DNMT1: variants seen among roughly 807,000 people sequenced by gnomAD.
DNMT1 encodes DNA (cytosine-5)-methyltransferase 1.
DNMT1 carries 24 observed loss-of-function variants against 205.3 expected under a neutral mutation model. The observed-to-expected ratio is 0.12, with a 90% CI of 0.08 to 0.16. DNMT1 has a LOEUF of 0.16. Among genes scored for constraint, DNMT1 ranks in the 10% least tolerant of loss-of-function variants. DNMT1 has a pLI of 1.00. For synonymous variants in DNMT1, 817 were observed against 839.8 expected, an observed-to-expected ratio of 0.97 and a Z score of 0.47; for missense variants, 1,293 against 2,177.7, an observed-to-expected ratio of 0.59 and a Z score of 8.09.
chr19:10,178,835 T>C (rs1408509554), intron 5 of DNMT1, among the ~76,000 whole-genome samples: 1 of 142,376 alleles, frequency 7.0e-6, no homozygotes, highest in Admixed American at 7.1e-5. Context: ...TTTTAAAAAA[T>C]TCCAGAAGAG....
At chr19:10,155,353 G>C (rs2038434438) in intron 19 of DNMT1, among the ~76,000 whole-genome samples, 1 of 150,964 alleles carries the variant, frequency 6.6e-6, no homozygotes, top group African/African-American at 2.4e-5. Flanking sequence ...TTTTTTTCAG[G>C]GGAGGACAGA....
intron 22 of DNMT1, among the ~76,000 whole-genome samples, chr19:10,153,160 A>C (rs1414742774): frequency 1.3e-5 from 2 of 152,194 alleles, no homozygotes; most frequent in Non-Finnish European, 2.9e-5. Context: ...CGCTACTTCT[A>C]AGCAGATACA....
At chr19:10,190,021 G>A (rs148881563) in intron 1 of DNMT1, among the ~76,000 whole-genome samples, 2 of 152,188 alleles carry the variant, frequency 1.3e-5, no homozygotes, top group Non-Finnish European at 2.9e-5. Flanking sequence ...CAAGTAGGGC[G>A]GCATTTGAAA....
rs2038351391 is a variant in DNMT1 at position 10,151,946 on chromosome 19, G to A, written c.2020-99C>T. The stretch of plus-strand genomic sequence containing the variant: ...AGGCCGAGGCAGGCAGATCACTTAA[G>A]GTCAGGAATTGCAGACCAGCCTGGC... On this transcript the variant is annotated intron_variant, in intron 22 of 40. Transcript: ENST00000359526. This position sits in a 1 kb window ranked among gnomAD's most constrained non-coding sequence, Gnocchi z 5.0. 1 of 1,203,418 alleles carries A rather than the reference G, an allele frequency of 8.3e-7. No individual in the cohort carries two copies. Among genetic ancestry groups the A allele is most frequent in the Non-Finnish European group, 1.2e-6 (1 of 815,216 alleles). 74.5% of individuals were successfully genotyped at this position (1,203,418 alleles called of 1,614,324 possible).
At chr19:10,150,092 T>C (rs2038306677) in intron 24 of DNMT1, 124 bp from the exon 25 acceptor site, 2 of 848,190 alleles carry the variant, frequency 2.4e-6, no homozygotes, top group South Asian at 1.4e-5. Context: ...CAATGAAGAG[T>C]TGCTGCTAAA....
chr19:10,158,197 C>G (rs780545523), intron 17 of DNMT1, among the ~76,000 whole-genome samples: 60 of 152,222 alleles, frequency 3.9e-4, no homozygotes, highest in Non-Finnish European at 7.3e-4. Flanking sequence ...GAGTGAGGCC[C>G]TCGGGCATGG....
chr19:10,140,215 G>C lies in DNMT1; in HGVS notation c.3637C>G (p.Leu1213Val). 6.2e-7 allele frequency: 1 copy of C among 1,614,116 alleles called. No homozygotes were observed. The highest frequency in any genetic ancestry group is 8.5e-7 in the Non-Finnish European group (1 of 1,180,042). Residue 1213 changes from leucine to valine, a missense_variant, in exon 33 of 41, where the codon CTG becomes GTG. Leu to Val is a conservative substitution (Grantham distance 32, BLOSUM62 1). This residue lies in a region of DNMT1 where 26 missense variants were observed against 86.5 expected (regional missense o/e 0.30). Transcript: ENST00000359526. This position sits in a 1 kb window ranked among gnomAD's most constrained non-coding sequence, Gnocchi z 8.4. ...TTGGTGGTCTCCCCAGCCATGACCA[G>C]CTTCAGCAGGATGTTGCAGTCCTCT... ...FTEDCNILLK[L>V]VMAGETTNSR... is the part of the protein sequence containing the mutation.
chr19:10,163,920 C>T (rs954095631), intron 11 of DNMT1, among the ~76,000 whole-genome samples: 1 of 151,926 alleles, frequency 6.6e-6, no homozygotes, highest in African/African-American at 2.4e-5. Flanking sequence ...CTGGTCAGCT[C>T]GGGGGGCCCT....
intron 1 of DNMT1, among the ~76,000 whole-genome samples, chr19:10,183,494 C>T (rs544445409): frequency 4.6e-5 from 7 of 152,166 alleles, no homozygotes; most frequent in Middle Eastern, 3.4e-3. Context: ...CCAAGGCGAG[C>T]GGATCACTTG....
chr19:10,149,372 A>T, intron 26 of DNMT1, 81 bp downstream of exon 26: 6 of 1,506,666 alleles, frequency 4.0e-6, no homozygotes, highest in Non-Finnish European at 5.4e-6. Flanking sequence ...AAAAAAATAC[A>T]AATCAAAACA....
At chr19:10,168,237 C>T in intron 10 of DNMT1, 93 bp downstream of exon 10, 1 of 1,433,384 alleles carries the variant, frequency 7.0e-7, no homozygotes, top group South Asian at 1.2e-5. Flanking sequence ...GATTAGTGCC[C>T]ACTGTTCCAC....
chr19:10,193,579 G>A (rs2039342899), intron 1 of DNMT1, among the ~76,000 whole-genome samples: 1 of 149,988 alleles, frequency 6.7e-6, no homozygotes, highest in Non-Finnish European at 1.5e-5. Flanking sequence ...GCCCAGGCTG[G>A]TCTCAAACTC....
Position 10,146,324 on chromosome 19 carries a change from C to A in DNMT1, c.2894+27G>T. On this transcript the variant is annotated intron_variant, in intron 28 of 40. Coordinates refer to ENST00000359526, the MANE Select transcript of DNMT1 (RefSeq NM_001130823.3). This position sits in a 1 kb window ranked among gnomAD's most constrained non-coding sequence, Gnocchi z 4.4. ...CCTGGCTCAGCCTGGAGCGCCCTGG[C>A]CCCGGCTGCTCCGAGGGGGCACTTA... is the stretch of plus-strand genomic sequence containing the variant. The A allele has an allele frequency of 1.2e-6, 2 of 1,612,650 alleles. No individual in the cohort carries two copies.
In DNMT1 at chr19:10,160,390, T is replaced by C. The variant is rs762344471; in HGVS notation, c.1037A>G (p.Lys346Arg). 6.2e-7 allele frequency: 1 copy of C among 1,614,160 alleles called. No individual in the cohort carries two copies. The highest frequency in any genetic ancestry group is 1.1e-5 in the South Asian group (1 of 91,084). Residue 346 changes from lysine to arginine, a missense_variant, in exon 14 of 41, where the codon AAA becomes AGA. Transcript: ENST00000359526. ...KEEKRRKTTP[K>R]EPTEKKMARA... is the part of the protein sequence containing the mutation. Reference sequence around the variant, plus strand: ...GTCAAGAATAAATTCTTACGGTTCTTTGGGGGTCGTTTTGCGTCTCTTCTC... The same window carrying C: ...GTCAAGAATAAATTCTTACGGTTCTCTGGGGGTCGTTTTGCGTCTCTTCTC...
At chr19:10,168,095 C>T (rs1207969371) in intron 10 of DNMT1, among the ~76,000 whole-genome samples, 1 of 151,884 alleles carries the variant, frequency 6.6e-6, no homozygotes, top group Non-Finnish European at 1.5e-5. Flanking sequence ...TGTACTCCAG[C>T]CTGGGTGACA....
Position 10,140,488 on chromosome 19 carries a change from G to T in DNMT1, c.3524-160C>A. Reference sequence around the variant, plus strand: ...AGGTTCAAGCGATTCTCCCACCTCAGCCTCCTGAGTAGCTGGGACTACAGG... The same window carrying T: ...AGGTTCAAGCGATTCTCCCACCTCATCCTCCTGAGTAGCTGGGACTACAGG... On this transcript the variant is annotated intron_variant, in intron 32 of 40. Coordinates refer to ENST00000359526, the MANE Select transcript of DNMT1 (RefSeq NM_001130823.3). The surrounding 1 kb of genome is among the most constrained non-coding windows in gnomAD (Gnocchi z 8.4). 1 of 1,126,450 alleles carries T rather than the reference G, an allele frequency of 8.9e-7. No homozygotes were observed. Among genetic ancestry groups the T allele is most frequent in the Non-Finnish European group, 1.3e-6 (1 of 786,792 alleles). The allele number at this position is 1,126,450 out of a possible 1,614,324, so 69.8% of individuals were successfully genotyped here. A position where few individuals can be genotyped will look rare whatever the true frequency, so the allele number is the denominator to read the frequency against.
At chr19:10,160,220 G>T in intron 14 of DNMT1, 157 bp from the exon 15 acceptor site, 1 of 1,503,894 alleles carries the variant, frequency 6.6e-7, no homozygotes, top group Non-Finnish European at 9.1e-7. Flanking sequence ...GCTCTTCACC[G>T]CAGGGGCATC....
At chr19:10,169,274 G>C (rs2038759962) in intron 9 of DNMT1, among the ~76,000 whole-genome samples, 1 of 151,642 alleles carries the variant, frequency 6.6e-6, no homozygotes, top group Admixed American at 6.6e-5. Context: ...TGGGCACAGT[G>C]GCTCACTACT....
intron 1 of DNMT1, chr19:10,184,449 T>C (rs550886545): frequency 2.4e-4 from 36 of 152,238 alleles, no homozygotes; most frequent in African/African-American, 7.0e-4. Context: ...TGGGAAATCG[T>C]GGTCTGATTT....
Sources: gnomAD v4.1 joint callset for allele counts (sites outside exome capture counted in the v4.1 genomes callset) on GRCh38, gnomAD v4.1.1 for gene constraint, gnomAD v4.1.1 regional missense constraint, Gnocchi (gnomAD v3.1) non-coding constraint, MANE v1.5 for transcripts, NCBI Gene and HGNC (gene_info 2026-07-23, HGNC 2026-07-21) for gene names.